Variants in ACOT9 observed in about 807,000 individuals in gnomAD.
ACOT9 encodes acyl-coenzyme A thioesterase 9, mitochondrial.
Under a neutral mutation model 39.7 loss-of-function variants are expected in ACOT9, and 34 were observed. The observed-to-expected ratio is 0.86, with a 90% CI of 0.65 to 1.14. ACOT9 has a LOEUF of 1.14. Ranked by LOEUF, ACOT9 falls within the 50% of genes most tolerant of loss-of-function variation. The pLI, the probability that ACOT9 is intolerant of heterozygous loss-of-function variation, is 0.00. For missense variants in ACOT9, 313 were observed against 344.1 expected, an observed-to-expected ratio of 0.91 and a Z score of 0.71; for synonymous variants, 110 against 120.5, an observed-to-expected ratio of 0.91 and a Z score of 0.57.
intron 1 of ACOT9, among the ~76,000 whole-genome samples, chrX:23,738,710 AT>A (rs1161706447): frequency 8.9e-6 from 1 of 111,924 alleles, no homozygotes; most frequent in Non-Finnish European, 1.9e-5. Context: ...GAGCAAAAAA[AT>A]CATGACCCCC....
intron 8 of ACOT9, among the ~76,000 whole-genome samples, chrX:23,720,134 GT>G (rs1929265755): frequency 8.8e-6 from 1 of 113,068 alleles, no homozygotes; most frequent in Non-Finnish European, 1.9e-5. Flanking sequence ...CGCCCAGCCA[GT>G]CATTCTTAAA....
chrX:23,730,745 G>A, intron 5 of ACOT9, 71 bp downstream of exon 5: 1 of 1,060,028 alleles, frequency 9.4e-7, no homozygotes, highest in Non-Finnish European at 1.3e-6. Context: ...TGTATGGTGT[G>A]TGAATTATAT....
At chrX:23,736,696 G>A (rs1281202276) in intron 1 of ACOT9, among the ~76,000 whole-genome samples, 4 of 110,460 alleles carry the variant, frequency 3.6e-5, no homozygotes, top group African/African-American at 1.3e-4. Flanking sequence ...GCATGCACCT[G>A]TGGTCCCAGC....
At chrX:23,710,777 C>T (rs1436420673) in intron 9 of ACOT9, among the ~76,000 whole-genome samples, 6 of 110,603 alleles carry the variant, frequency 5.4e-5, no homozygotes, top group South Asian at 3.8e-4. Context: ...TGCAGTGAGC[C>T]GAGATTGCGC....
rs769619594 is a variant in ACOT9, at chrX:23,734,269, G to C, written c.145+72C>G. The C allele has an allele frequency of 4.3e-6, 4 of 928,602 alleles. No individual in the cohort carries two copies. The African/African-American group carries it at 8.0e-5, about 19-fold the overall frequency. The allele number at this position is 928,602 out of a possible 1,213,427, so 76.5% of individuals were successfully genotyped here. A position where few individuals can be genotyped will look rare whatever the true frequency, so the allele number is the denominator to read the frequency against. Reference sequence around the variant, plus strand: ...TTTTAGTTAATGCCACTGCCCAAAAGTGCAAGCGTATATTAGTGCTTACAA... The same window carrying C: ...TTTTAGTTAATGCCACTGCCCAAAACTGCAAGCGTATATTAGTGCTTACAA... On this transcript the variant is annotated intron_variant, in intron 3 of 15. Coordinates refer to ENST00000379303, the MANE Select transcript of ACOT9 (RefSeq NM_001037171.2).
chrX:23,703,656 A>T lies in ACOT9; in HGVS notation c.*238T>A, dbSNP rs923753543. On this transcript the variant is annotated 3_prime_UTR_variant, in exon 16 of 16. Transcript: ENST00000379303. ...GTTTTTTCAGAAGATGGGAGGCAAC[A>T]TGGTAGGTTCACAATTAAAATTGTC... 5 of 287,544 alleles carry T rather than the reference A, an allele frequency of 1.7e-5. No homozygotes were observed. Among genetic ancestry groups the T allele is most frequent in the African/African-American group, 1.4e-4 (5 of 36,371 alleles). 23.7% of individuals were successfully genotyped at this position (287,544 alleles called of 1,213,427 possible). A position where few individuals can be genotyped will look rare whatever the true frequency, so the allele number is the denominator to read the frequency against.
intron 1 of ACOT9, among the ~76,000 whole-genome samples, chrX:23,738,209 G>T (rs1268015895): frequency 9.1e-6 from 1 of 110,093 alleles, no homozygotes; most frequent in African/African-American, 3.3e-5. Context: ...TTCTCAGAAC[G>T]TGATTTGAAT....
chrX:23,703,401 C>T lies in ACOT9; in HGVS notation c.*493G>A, dbSNP rs962255988. Reference sequence around the variant, plus strand: ...GCAATGGTGCAATCTCAGCTCACTGCAACCTCCACCTCCTGGGTTCAAGCA... The same window carrying T: ...GCAATGGTGCAATCTCAGCTCACTGTAACCTCCACCTCCTGGGTTCAAGCA... On this transcript the variant is annotated 3_prime_UTR_variant, in exon 16 of 16. Coordinates refer to ENST00000379303, the MANE Select transcript of ACOT9 (RefSeq NM_001037171.2). The T allele has an allele frequency of 8.9e-6, 1 of 112,927 alleles. No homozygotes were observed. The highest frequency in any genetic ancestry group is 1.9e-5 in the Non-Finnish European group (1 of 53,913). The allele number at this position is 112,927 out of a possible 1,213,427, so 9.3% of individuals were successfully genotyped here. A position where few individuals can be genotyped will look rare whatever the true frequency, so the allele number is the denominator to read the frequency against.
intron 4 of ACOT9, among the ~76,000 whole-genome samples, chrX:23,732,724 T>C (rs746028896): frequency 5.4e-5 from 6 of 110,709 alleles, no homozygotes; most frequent in African/African-American, 1.3e-4. Context: ...AAAGACAATA[T>C]GGGAGGCCTG....
rs1389590073 is a variant in ACOT9 at position 23,702,972 on chromosome X, G to A, written c.*922C>T. ...AGCCACTAGCAGAATGTGCTAAATA[G>A]CTGTCTGGTGAATGAAAGAATGACC... On this transcript the variant is annotated 3_prime_UTR_variant, in exon 16 of 16. Coordinates refer to ENST00000379303, the MANE Select transcript of ACOT9 (RefSeq NM_001037171.2). 2 of 112,315 alleles carry A rather than the reference G, an allele frequency of 1.8e-5. No individual in the cohort carries two copies. Among genetic ancestry groups the A allele is most frequent in the African/African-American group, 6.5e-5 (2 of 30,882 alleles). 9.3% of individuals were successfully genotyped at this position (112,315 alleles called of 1,213,427 possible).
intron 6 of ACOT9, among the ~76,000 whole-genome samples, chrX:23,729,568 T>C (rs1438473920): frequency 8.9e-6 from 1 of 112,262 alleles, no homozygotes; most frequent in Non-Finnish European, 1.9e-5. Flanking sequence ...CATATTCAAA[T>C]ATTTGGGGGT....
At chrX:23,742,744 G>A (rs976426554) in intron 1 of ACOT9, among the ~76,000 whole-genome samples, 13 of 112,206 alleles carry the variant, frequency 1.2e-4, no homozygotes, top group Non-Finnish European at 2.3e-4. Flanking sequence ...AAAGGAAGAT[G>A]AAGGGCTAGA....
At chrX:23,707,759 AAAC>A in intron 10 of ACOT9, 115 bp downstream of exon 10, 1 of 518,163 alleles carries the variant, frequency 1.9e-6, no homozygotes, top group Non-Finnish European at 2.9e-6. Flanking sequence ...ACAAAAAAAC[AAAC>A]AAAAAAAAGA....
At chrX:23,725,903 T>A (rs1929503322) in intron 6 of ACOT9, among the ~76,000 whole-genome samples, 1 of 105,148 alleles carries the variant, frequency 9.5e-6, no homozygotes, top group Non-Finnish European at 2.0e-5. Context: ...ATGAACAAAT[T>A]ATAAAATTCA....
Position 23,722,241 on chromosome X carries a change from A to G in ACOT9, c.485-257T>C, listed in dbSNP as rs1929343282. On this transcript the variant is annotated intron_variant, in intron 7 of 15. Transcript: ENST00000379303. ...AATATCTTGGTATACAGCATTCTAGACATTTTCATATGCATATATACATTA... is the reference window on the plus strand; with the variant it reads ...AATATCTTGGTATACAGCATTCTAGGCATTTTCATATGCATATATACATTA... Among the ~76,000 whole-genome samples, 6 of 112,075 alleles carry G rather than the reference A, an allele frequency of 5.4e-5. No homozygotes were observed. In the Admixed American group the frequency reaches 5.7e-4, roughly 11 times the overall value.
At chrX:23,723,371 T>G (rs1463908109) in intron 6 of ACOT9, among the ~76,000 whole-genome samples, 1 of 111,129 alleles carries the variant, frequency 9.0e-6, no homozygotes, top group Non-Finnish European at 1.9e-5. Flanking sequence ...ATCCCAGCAC[T>G]TTGGGAGGCC....
chrX:23,702,088 C>A lies in ACOT9; in HGVS notation c.*1806G>T, dbSNP rs747295719. Among the ~76,000 whole-genome samples the A allele has an allele frequency of 9.2e-5, 10 of 108,949 alleles. No homozygotes were observed. Among genetic ancestry groups the A allele is most frequent in the Non-Finnish European group, 1.9e-4 (10 of 52,446 alleles). The allele number at this position is 108,949 out of a possible 115,157, so 94.6% of individuals were successfully genotyped here. On this transcript the variant is annotated 3_prime_UTR_variant, in exon 16 of 16. Transcript: ENST00000379303. The stretch of plus-strand genomic sequence containing the variant: ...ACTCTGTCTCACACACACACACACA[C>A]ACAAAAATACTTTCCACCTAATTCT...
intron 1 of ACOT9, among the ~76,000 whole-genome samples, chrX:23,742,363 G>C (rs1417953051): frequency 2.7e-5 from 3 of 110,258 alleles, no homozygotes; most frequent in Non-Finnish European, 5.7e-5. Flanking sequence ...TCAGAAACTG[G>C]AGCAGGTGTG....
intron 4 of ACOT9, 40 bp downstream of exon 4, chrX:23,733,132 C>G (rs1929816354): frequency 1.7e-6 from 2 of 1,176,918 alleles, no homozygotes; most frequent in Non-Finnish European, 2.3e-6. Flanking sequence ...AGTATAATAC[C>G]TTGGGGATGA....
Sources: gnomAD v4.1 joint callset for allele counts (sites outside exome capture counted in the v4.1 genomes callset) on GRCh38, gnomAD v4.1.1 for gene constraint, MANE v1.5 for transcripts, NCBI Gene and HGNC (gene_info 2026-07-23, HGNC 2026-07-21) for gene names.